TMEM131: variants seen among roughly 807,000 people sequenced by gnomAD.
TMEM131 encodes transmembrane protein 131.
In TMEM131, 66 loss-of-function variants were observed where a neutral mutation model predicts 211.6. The observed-to-expected ratio is 0.31, with a 90% CI of 0.26 to 0.38. The LOEUF is 0.38. TMEM131 is among the 10% of genes least tolerant of loss of function. The pLI, the probability that TMEM131 is intolerant of heterozygous loss-of-function variation, is 1.00. For synonymous variants in TMEM131, 844 were observed against 841.3 expected (o/e 1.00, Z -0.06); for missense variants, 2,036 against 2,299.3 (o/e 0.89, Z 2.34).
intron 2 of TMEM131, among the ~76,000 whole-genome samples, chr2:97,917,462 A>G (rs2104404658): frequency 6.6e-6 from 1 of 152,348 alleles, no homozygotes; most frequent in East Asian, 1.9e-4. Context: ...CAGTCCCACT[A>G]GTGAACTGCA....
intron 1 of TMEM131, among the ~76,000 whole-genome samples, chr2:97,932,141 TAAA>T (rs34976723): frequency 2.7e-4 from 37 of 135,062 alleles, no homozygotes; most frequent in Non-Finnish European, 3.0e-4. Context: ...GACCCTGTCT[TAAA>T]AAAAAAAAAA....
intron 1 of TMEM131, among the ~76,000 whole-genome samples, chr2:97,981,792 G>A (rs2104645012): frequency 6.6e-6 from 1 of 152,078 alleles, no homozygotes; most frequent in East Asian, 1.9e-4. Flanking sequence ...CATATAAATG[G>A]CTTCTATGGT....
chr2:97,927,620 A>C, intron 1 of TMEM131, 133 bp from the exon 2 acceptor site: 1 of 564,848 alleles, frequency 1.8e-6, no homozygotes, highest in East Asian at 3.4e-5. Flanking sequence ...GTTGAAAAGA[A>C]AAATATGACT....
intron 2 of TMEM131, among the ~76,000 whole-genome samples, chr2:97,916,930 T>C: frequency 6.6e-6 from 1 of 152,350 alleles, no homozygotes; most frequent in East Asian, 1.9e-4. Context: ...TTATATTTAT[T>C]ATTTTTTCAC....
At chr2:97,871,426 G>A (rs1345072110) in intron 4 of TMEM131, among the ~76,000 whole-genome samples, 7 of 152,204 alleles carry the variant, frequency 4.6e-5, no homozygotes, top group Non-Finnish European at 1.0e-4. Context: ...AAAGCCATGA[G>A]GTTAGGGTTA....
At chr2:97,833,641 C>T (rs1682811165) in intron 10 of TMEM131, among the ~76,000 whole-genome samples, 1 of 140,984 alleles carries the variant, frequency 7.1e-6, no homozygotes, top group Non-Finnish European at 1.5e-5. Flanking sequence ...TTTTGAAAAC[C>T]CCAAAATATA....
At position 97,792,660 on chromosome 2, in the gene TMEM131, G is replaced by A. The variant is rs745939265; in HGVS notation, c.3870C>T (p.Ser1290=). 1 of 1,613,954 alleles carries A rather than the reference G, an allele frequency of 6.2e-7. No individual in the cohort carries two copies. The highest frequency in any genetic ancestry group is 1.1e-5 in the South Asian group (1 of 91,076). The stretch of plus-strand genomic sequence containing the variant: ...CCAGCGGGCTGTGGGCATGGTGCTG[G>A]CTGCCGTGCTGGCTCTGCTTTGCCC... The part of the protein sequence containing the change: ...SKGAKQSQHG[S]QHHAHSPLEQ... The change falls in exon 31 of 41, where the codon AGC becomes AGT. Residue 1290 remains serine (S), a synonymous_variant. Coordinates refer to ENST00000186436, the MANE Select transcript of TMEM131 (RefSeq NM_015348.2).
rs752243659 is a variant in TMEM131, at chr2:97,766,571, C to T, written c.4480G>A (p.Glu1494Lys). The T allele has an allele frequency of 5.1e-5, 83 of 1,613,770 alleles. No individual in the cohort carries two copies. The highest frequency in any genetic ancestry group is 3.3e-4 in the Middle Eastern group (2 of 6,084). ...GGGAGATTTCTACGTTGCTTACTTT[C>T]CAAAGGGGGAGTATATGGTAGTTCT... ...SLELPYTPPL[E>K]SKQRRNLPSK... is the part of the protein sequence containing the mutation. The change falls in exon 34 of 41, where the codon GAA becomes AAA. Residue 1494 changes from glutamate to lysine, a missense_variant. Physicochemically the swap from Glu to Lys is moderately conservative, Grantham distance 56. This residue lies in a region of TMEM131 where 1,623 missense variants were observed against 1,805.9 expected (regional missense o/e 0.90). Transcript: ENST00000186436.
intron 1 of TMEM131, among the ~76,000 whole-genome samples, chr2:97,960,754 T>A (rs899654566): frequency 5.3e-5 from 8 of 152,258 alleles, no homozygotes; most frequent in African/African-American, 1.9e-4. Flanking sequence ...ACAGACTTCA[T>A]TAATGCAGAC....
chr2:97,907,809 G>A (rs920018992), intron 3 of TMEM131, among the ~76,000 whole-genome samples: 11 of 152,260 alleles, frequency 7.2e-5, no homozygotes, highest in East Asian at 1.9e-4. Flanking sequence ...ACTGCCAGCC[G>A]TTCAATTGTT....
intron 2 of TMEM131, among the ~76,000 whole-genome samples, chr2:97,916,654 A>C (rs1421632318): frequency 1.3e-5 from 2 of 152,350 alleles, no homozygotes; most frequent in East Asian, 3.9e-4. Flanking sequence ...CTGAAAAAAC[A>C]AAAAGCACTA....
At chr2:97,952,631 C>A (rs1678376077) in intron 1 of TMEM131, among the ~76,000 whole-genome samples, 1 of 152,286 alleles carries the variant, frequency 6.6e-6, no homozygotes, top group South Asian at 2.1e-4. Flanking sequence ...AACCCCAGCA[C>A]TTTGGGAGGC....
chr2:97,792,206 T>C (rs754987497), intron 31 of TMEM131, among the ~76,000 whole-genome samples, 180 bp downstream of exon 31: 11 of 152,270 alleles, frequency 7.2e-5, no homozygotes, highest in Non-Finnish European at 1.0e-4. Context: ...ATATCTTTTA[T>C]GACAGATACC....
intron 7 of TMEM131, among the ~76,000 whole-genome samples, chr2:97,837,601 A>G (rs902248465): frequency 6.6e-6 from 1 of 152,256 alleles, no homozygotes; most frequent in South Asian, 2.1e-4. Context: ...GATGGGGAAG[A>G]GTAAAAATAT....
chr2:97,774,758 G>C (rs770968620), intron 32 of TMEM131, among the ~76,000 whole-genome samples: 1 of 152,102 alleles, frequency 6.6e-6, no homozygotes, highest in Non-Finnish European at 1.5e-5. Context: ...TGATGCACAG[G>C]GTTTAAACTG....
At chr2:97,886,665 C>T (rs1215555898) in intron 4 of TMEM131, among the ~76,000 whole-genome samples, 3 of 152,070 alleles carry the variant, frequency 2.0e-5, no homozygotes, top group African/African-American at 7.2e-5. Flanking sequence ...TGCATCCACA[C>T]AGTGGGTCAG....
chr2:97,908,576 C>T, intron 3 of TMEM131, 82 bp downstream of exon 3: 2 of 995,000 alleles, frequency 2.0e-6, no homozygotes, highest in South Asian at 1.5e-5. Context: ...CCAAAATGAG[C>T]AAGGGGAAAG....
At chr2:97,779,588 C>T (rs947871038) in intron 31 of TMEM131, among the ~76,000 whole-genome samples, 9 of 152,198 alleles carry the variant, frequency 5.9e-5, no homozygotes, top group African/African-American at 9.6e-5. Flanking sequence ...CCCCAGAGTC[C>T]GCATCACCTG....
At position 97,976,352 on chromosome 2, in the gene TMEM131, A is replaced by G. The variant is rs149571313; in HGVS notation, c.187+19124T>C. ...TAGCAAGATTACAGAATACAAGATCAACATAAAATTTACTTCTATATACTA... is the reference window on the plus strand; with the variant it reads ...TAGCAAGATTACAGAATACAAGATCGACATAAAATTTACTTCTATATACTA... On this transcript the variant is annotated intron_variant, in intron 1 of 40. Coordinates refer to ENST00000186436, the MANE Select transcript of TMEM131 (RefSeq NM_015348.2). 1.8e-3 allele frequency among the ~76,000 whole-genome samples: 269 copies of G among 152,338 alleles called. 8 individuals are homozygous for G. The East Asian group carries it at 0.038, about 22-fold the overall frequency.
Sources: gnomAD v4.1 joint callset for allele counts (sites outside exome capture counted in the v4.1 genomes callset) on GRCh38, gnomAD v4.1.1 for gene constraint, gnomAD v4.1.1 regional missense constraint, MANE v1.5 for transcripts, NCBI Gene and HGNC (gene_info 2026-07-23, HGNC 2026-07-21) for gene names.